FRY: variants seen among roughly 807,000 people sequenced by gnomAD.
The protein encoded by FRY is protein furry homolog.
FRY carries 128 observed loss-of-function variants against 348.4 expected under a neutral mutation model. The observed-to-expected ratio is 0.37, with a 90% CI of 0.32 to 0.43. The LOEUF is 0.43. FRY is among the 20% of genes least tolerant of loss of function. The pLI, the probability that FRY is intolerant of heterozygous loss-of-function variation, is 1.00. For missense variants in FRY, 2,736 were observed against 3,695.2 expected, an observed-to-expected ratio of 0.74 and a Z score of 6.73; for synonymous variants, 1,370 against 1,374.7, an observed-to-expected ratio of 1.00 and a Z score of 0.08.
intron 34 of FRY, among the ~76,000 whole-genome samples, chr13:32,211,491 T>C (rs1172109757): frequency 1.3e-5 from 2 of 152,064 alleles, no homozygotes; most frequent in Non-Finnish European, 2.9e-5. Flanking sequence ...TTCTTAGGGA[T>C]CATAGGGTTA....
chr13:32,049,647 C>A (rs1332276035), intron 1 of FRY, among the ~76,000 whole-genome samples: 1 of 152,134 alleles, frequency 6.6e-6, no homozygotes, highest in Non-Finnish European at 1.5e-5. Context: ...CCAGCAAATT[C>A]AGGGACTCTG....
chr13:32,221,272 C>T (rs1180850348), intron 36 of FRY, among the ~76,000 whole-genome samples: 1 of 152,188 alleles, frequency 6.6e-6, no homozygotes, highest in Non-Finnish European at 1.5e-5. Flanking sequence ...AATGACTTCA[C>T]ACTACCTTGC....
At chr13:32,065,976 G>A (rs1874236282) in intron 1 of FRY, among the ~76,000 whole-genome samples, 1 of 152,060 alleles carries the variant, frequency 6.6e-6, no homozygotes, top group South Asian at 2.1e-4. Flanking sequence ...TAATCAGTAT[G>A]CATTCTAGGA....
At chr13:32,276,622 C>CT (rs1460349377) in intron 57 of FRY, 60 bp downstream of exon 57, 1 of 869,056 alleles carries the variant, frequency 1.2e-6, no homozygotes, top group Non-Finnish European at 2.0e-6. Context: ...CCCAACCACT[C>CT]TGAGTTCTTG....
intron 3 of FRY, among the ~76,000 whole-genome samples, chr13:32,104,172 A>G (rs1021624837): frequency 6.6e-6 from 1 of 152,198 alleles, no homozygotes; most frequent in Admixed American, 6.5e-5. Flanking sequence ...AGGCTTAAAC[A>G]CAATTTCTTA....
At chr13:32,209,516 T>G in intron 32 of FRY, 69 bp from the exon 33 acceptor site, 1 of 1,507,388 alleles carries the variant, frequency 6.6e-7, no homozygotes. Flanking sequence ...TCAAAACTAC[T>G]TTCAGTCAAA....
At chr13:32,197,018 C>A (rs546448493) in intron 29 of FRY, among the ~76,000 whole-genome samples, 1 of 152,212 alleles carries the variant, frequency 6.6e-6, no homozygotes, top group East Asian at 1.9e-4. Flanking sequence ...AGAATATAGG[C>A]CATTTCCAAT....
At chr13:32,065,448 G>A (rs1874196085) in intron 1 of FRY, among the ~76,000 whole-genome samples, 1 of 151,712 alleles carries the variant, frequency 6.6e-6, no homozygotes, top group South Asian at 2.1e-4. Context: ...TGGGATTACA[G>A]GTGCCCACCA....
Position 32,092,089 on chromosome 13 carries a change from G to A in FRY, c.271-9874G>A, listed in dbSNP as rs746104611. On this transcript the variant is annotated intron_variant, in intron 2 of 60. Transcript: ENST00000542859. ...CTAAATGCCCAGATGTCACCACAAC[G>A]CAGTATATCCATGTAACAAAACTGC... 3.3e-5 allele frequency among the ~76,000 whole-genome samples: 5 copies of A among 152,256 alleles called. No homozygotes were observed. In the East Asian group the frequency reaches 7.7e-4, roughly 24 times the overall value.
At chr13:32,108,332 G>T (rs1293195672) in intron 3 of FRY, among the ~76,000 whole-genome samples, 1 of 152,224 alleles carries the variant, frequency 6.6e-6, no homozygotes, top group African/African-American at 2.4e-5. Flanking sequence ...AGGATTTGCT[G>T]AGTGTTGATG....
chr13:32,178,518 A>T, intron 21 of FRY, 82 bp downstream of exon 21: 1 of 1,429,794 alleles, frequency 7.0e-7, no homozygotes, highest in Non-Finnish European at 9.7e-7. Flanking sequence ...AGAGATTGGG[A>T]TGTTATCATC....
At position 32,171,286 on chromosome 13, in the gene FRY, T is replaced by C; in HGVS notation, c.2151+16T>C. ...AAATTCAGAGGTGATTTTCACACCT[T>C]ACCCATGAATTTATATTCTTTTTTT... is the stretch of plus-strand genomic sequence containing the variant. On this transcript the variant is annotated intron_variant, in intron 18 of 60. Coordinates refer to ENST00000542859, the MANE Select transcript of FRY (RefSeq NM_023037.3). 1 of 1,439,526 alleles carries C rather than the reference T, an allele frequency of 6.9e-7. No homozygotes were observed. The highest frequency in any genetic ancestry group is 9.7e-7 in the Non-Finnish European group (1 of 1,033,386). 89.2% of individuals were successfully genotyped at this position (1,439,526 alleles called of 1,614,324 possible). A position where few individuals can be genotyped will look rare whatever the true frequency, so the allele number is the denominator to read the frequency against.
chr13:32,038,257 C>A (rs571069918), intron 1 of FRY, among the ~76,000 whole-genome samples: 10 of 152,170 alleles, frequency 6.6e-5, no homozygotes, highest in Non-Finnish European at 7.3e-5. Context: ...ATGGTATTTA[C>A]CTTCATGTAG....
chr13:32,042,318 A>C (rs1329979092), intron 1 of FRY, among the ~76,000 whole-genome samples: 1 of 152,240 alleles, frequency 6.6e-6, no homozygotes, highest in Non-Finnish European at 1.5e-5. Flanking sequence ...ACTAATCAGA[A>C]TTCAGTAACA....
At position 32,295,433 on chromosome 13, in the gene FRY, C is replaced by T. The variant is rs1207622120; in HGVS notation, c.9015C>T (p.Asp3005=). The T allele has an allele frequency of 1.2e-6, 2 of 1,611,824 alleles. No individual in the cohort carries two copies. Among genetic ancestry groups the T allele is most frequent in the Non-Finnish European group, 1.7e-6 (2 of 1,179,940 alleles). ...GAGTCCTCACTACTTTTCTTCCAGA[C>T]TCCAGTGTTTCTGGCACTAGTCTCT... ...SYRVLTTFLP[D]SSVSGTSL The change falls in exon 61 of 61, where the codon GAC becomes GAT. Residue 3005 remains aspartate, a synonymous_variant. Transcript: ENST00000542859.
At chr13:32,131,915 C>T in intron 8 of FRY, 75 bp downstream of exon 8, 2 of 1,119,706 alleles carry the variant, frequency 1.8e-6, no homozygotes, top group South Asian at 1.2e-5. Context: ...GAACCTGGAA[C>T]ATGAAAAGCC....
chr13:32,245,682 C>G (rs1001583074), intron 47 of FRY, among the ~76,000 whole-genome samples: 4 of 148,198 alleles, frequency 2.7e-5, no homozygotes, highest in Non-Finnish European at 6.1e-5. Context: ...GGAAGTTAAT[C>G]TAAAACACAT....
Position 32,031,821 on chromosome 13 carries a change from T to G in FRY, c.26T>G (p.Phe9Cys). MASQQDSG[F>C]FEISIKYLLK... The stretch of plus-strand genomic sequence containing the variant: ...ATGGCCAGCCAGCAGGATTCGGGCT[T>G]CTTTGAGATCAGTATCAAATATTTA... Residue 9 changes from phenylalanine to cysteine, a missense_variant, in exon 1 of 61, where the codon TTC (phenylalanine) becomes TGC (cysteine). Phe to Cys is a radical substitution (Grantham distance 205). Transcript: ENST00000542859. 6.2e-7 allele frequency: 1 copy of G among 1,607,176 alleles called. No homozygotes were observed. Among genetic ancestry groups the G allele is most frequent in the Non-Finnish European group, 8.5e-7 (1 of 1,174,990 alleles).
intron 51 of FRY, among the ~76,000 whole-genome samples, chr13:32,256,458 C>T (rs1381019071): frequency 6.6e-6 from 1 of 151,784 alleles, no homozygotes. Context: ...TCGCTTAAGC[C>T]CAGGAGGTCA....
Sources: gnomAD v4.1 joint callset for allele counts (sites outside exome capture counted in the v4.1 genomes callset) on GRCh38, gnomAD v4.1.1 for gene constraint, MANE v1.5 for transcripts, NCBI Gene and HGNC (gene_info 2026-07-23, HGNC 2026-07-21) for gene names.